The following WWOX variants were observed in gnomAD, a reference collection of about 807,000 sequenced individuals.
WWOX encodes WW domain-containing oxidoreductase.
In WWOX, 69 loss-of-function variants were observed where a neutral mutation model predicts 46.2. That is an observed-to-expected ratio of 1.49 (90% CI 1.23 to 1.82). The LOEUF (loss-of-function observed/expected upper bound fraction) is 1.82, where lower values mean the gene tolerates loss of function less well. WWOX is among the 40% of genes most tolerant of loss of function. The pLI is 0.00. For missense variants in WWOX, 919 were observed against 542.6 expected (o/e 1.69, Z -6.89); for synonymous variants, 359 against 202.6 (o/e 1.77, Z -6.56).
intron 8 of WWOX, among the ~76,000 whole-genome samples, chr16:78,833,401 G>T (rs1013155788): frequency 1.3e-5 from 2 of 149,090 alleles, no homozygotes; most frequent in African/African-American, 5.0e-5. Flanking sequence ...CTGTTCTCAT[G>T]TTTACTTAAT....
intron 8 of WWOX, among the ~76,000 whole-genome samples, chr16:78,450,099 T>C (rs1008804160): frequency 1.3e-5 from 2 of 152,152 alleles, no homozygotes; most frequent in Non-Finnish European, 2.9e-5. Flanking sequence ...AATACTAAAG[T>C]ATAGTTTTCA....
At chr16:78,866,574 C>T (rs879858402) in intron 8 of WWOX, among the ~76,000 whole-genome samples, 3 of 152,114 alleles carry the variant, frequency 2.0e-5, no homozygotes, top group Admixed American at 1.3e-4. Context: ...GGAAGGGGAA[C>T]AAAATCACTT....
At chr16:78,971,713 C>G (rs1337606106) in intron 8 of WWOX, among the ~76,000 whole-genome samples, 1 of 151,890 alleles carries the variant, frequency 6.6e-6, no homozygotes, top group East Asian at 1.9e-4. Flanking sequence ...ATAAATCGCC[C>G]CCCCACCCCG....
intron 8 of WWOX, among the ~76,000 whole-genome samples, chr16:78,999,870 A>G (rs73567366): frequency 0.024 from 3,631 of 152,310 alleles, 161 homozygotes; most frequent in African/African-American, 0.083. Flanking sequence ...AAAACTTTAT[A>G]AAAAATTAAA....
chr16:78,460,980 A>G (rs1486342280), intron 8 of WWOX, among the ~76,000 whole-genome samples: 1 of 151,458 alleles, frequency 6.6e-6, no homozygotes, highest in Admixed American at 6.6e-5. Flanking sequence ...TTCTTGCCAC[A>G]GGTAGAAGCC....
chr16:78,630,862 G>T (rs986689193), intron 8 of WWOX, among the ~76,000 whole-genome samples: 2 of 133,608 alleles, frequency 1.5e-5, no homozygotes, highest in African/African-American at 2.5e-5. Flanking sequence ...AACGAAAGAG[G>T]CCATATGCAG....
At chr16:78,391,551 G>C (rs942211602) in intron 6 of WWOX, among the ~76,000 whole-genome samples, 1 of 152,192 alleles carries the variant, frequency 6.6e-6, no homozygotes. Context: ...GTATTGCCGA[G>C]TAAGAAATGA....
intron 5 of WWOX, among the ~76,000 whole-genome samples, chr16:78,195,321 C>G (rs2036014134): frequency 6.6e-6 from 1 of 152,160 alleles, no homozygotes; most frequent in South Asian, 2.1e-4. Flanking sequence ...TACCCTAAGA[C>G]CATGAACTTC....
chr16:79,070,415 A>G (rs150960225), intron 8 of WWOX, among the ~76,000 whole-genome samples: 2 of 152,252 alleles, frequency 1.3e-5, no homozygotes, highest in East Asian at 3.9e-4. Context: ...GTCTTTGGAA[A>G]TGACGTATCA....
intron 5 of WWOX, among the ~76,000 whole-genome samples, chr16:78,262,212 C>G (rs1206875144): frequency 2.4e-4 from 36 of 151,066 alleles, no homozygotes; most frequent in Admixed American, 2.4e-3. Context: ...CTTTTTACTG[C>G]TAATGGGGCA....
chr16:78,119,849 T>G (rs1408292380), intron 4 of WWOX, among the ~76,000 whole-genome samples: 1 of 152,194 alleles, frequency 6.6e-6, no homozygotes, highest in East Asian at 1.9e-4. Context: ...CTTTCAGTCC[T>G]AAACCAGCAG....
chr16:79,099,527 AT>A (rs1567549548), intron 8 of WWOX, among the ~76,000 whole-genome samples: 1 of 145,844 alleles, frequency 6.9e-6, no homozygotes, highest in East Asian at 2.0e-4. Flanking sequence ...AGTTTCTTTA[AT>A]TTTTTTTCTC....
At chr16:78,842,345 A>AAATT (rs1213824836) in intron 8 of WWOX, among the ~76,000 whole-genome samples, 2 of 151,820 alleles carry the variant, frequency 1.3e-5, no homozygotes, top group Non-Finnish European at 2.9e-5. Context: ...AAAAAAAAAA[A>AAATT]AAATTAAATT....
chr16:78,862,074 C>G lies in WWOX; in HGVS notation c.1057-349534C>G, dbSNP rs532295086. ...TATATAGAGAGAGATATATGCATATCTATACACACCTACGGGTGTGTCTGT... is the reference window on the plus strand; with the variant it reads ...TATATAGAGAGAGATATATGCATATGTATACACACCTACGGGTGTGTCTGT... On this transcript the variant is annotated intron_variant, in intron 8 of 8. Transcript: ENST00000566780. Among the ~76,000 whole-genome samples the G allele has an allele frequency of 3.1e-4, 47 of 152,038 alleles. No individual in the cohort carries two copies. In the South Asian group the frequency reaches 9.5e-3, roughly 31 times the overall value.
chr16:78,992,599 T>A (rs1217586699), intron 8 of WWOX, among the ~76,000 whole-genome samples: 1 of 152,220 alleles, frequency 6.6e-6, no homozygotes, highest in Non-Finnish European at 1.5e-5. Context: ...AATGAAAGGT[T>A]TGATTCGTAC....
At chr16:79,009,502 G>T (rs961183179) in intron 8 of WWOX, among the ~76,000 whole-genome samples, 2 of 151,792 alleles carry the variant, frequency 1.3e-5, no homozygotes, top group Admixed American at 1.3e-4. Flanking sequence ...GACTTTCGCT[G>T]TGTCACCTAG....
intron 8 of WWOX, among the ~76,000 whole-genome samples, chr16:79,134,012 A>C (rs918505716): frequency 1.3e-5 from 2 of 152,188 alleles, no homozygotes; most frequent in African/African-American, 4.8e-5. Flanking sequence ...TGGACTATCT[A>C]AGCAAGCATG....
chr16:78,545,306 T>C (rs1408891661), intron 8 of WWOX, among the ~76,000 whole-genome samples: 3 of 152,146 alleles, frequency 2.0e-5, no homozygotes, highest in African/African-American at 7.2e-5. Context: ...TCTGAGGAAA[T>C]GGTTACCTGC....
At chr16:78,823,967 T>A (rs1259021378) in intron 8 of WWOX, among the ~76,000 whole-genome samples, 1 of 151,872 alleles carries the variant, frequency 6.6e-6, no homozygotes, top group Admixed American at 6.6e-5. Flanking sequence ...TGAGATGGGG[T>A]CTTCCTATGT....
Sources: gnomAD v4.1 joint callset for allele counts (sites outside exome capture counted in the v4.1 genomes callset) on GRCh38, gnomAD v4.1.1 for gene constraint, MANE v1.5 for transcripts, NCBI Gene and HGNC (gene_info 2026-07-23, HGNC 2026-07-21) for gene names.